Variants in NUDT3 observed in about 807,000 individuals in gnomAD.
NUDT3 encodes the protein diphosphoinositol polyphosphate phosphohydrolase 1.
In NUDT3, 9 loss-of-function variants were observed where a neutral mutation model predicts 23.6. The observed-to-expected ratio is 0.38, with a 90% CI of 0.23 to 0.66. The LOEUF is 0.66. Ranked by LOEUF, NUDT3 falls within the 30% of genes least tolerant of loss-of-function variation. The pLI, the probability that NUDT3 is intolerant of heterozygous loss-of-function variation, is 0.52. For synonymous variants in NUDT3, 86 were observed against 82.6 expected (o/e 1.04, Z -0.22); for missense variants, 172 against 218.5 (o/e 0.79, Z 1.34).
At chr6:34,334,025 G>A (rs765768046) in intron 2 of NUDT3, among the ~76,000 whole-genome samples, 1 of 152,220 alleles carries the variant, frequency 6.6e-6, no homozygotes, top group African/African-American at 2.4e-5. Flanking sequence ...GGAAGAGGGG[G>A]GCTGAGCCAT....
rs930473014 is a variant in NUDT3, at chr6:34,392,648, G to T, written c.-286C>A. ...CCGACGACGACCGCGCCGCCATCTT[G>T]GGCGCGATGCGTCAGCGGCGTAAGG... On this transcript the variant is annotated 5_prime_UTR_variant, in exon 1 of 5. Coordinates refer to ENST00000607016, the MANE Select transcript of NUDT3 (RefSeq NM_006703.4). 2.3e-5 allele frequency: 5 copies of T among 218,340 alleles called. No individual in the cohort carries two copies. The highest frequency in any genetic ancestry group is 4.5e-5 in the Non-Finnish European group (5 of 111,406). 13.5% of individuals were successfully genotyped at this position (218,340 alleles called of 1,614,324 possible). A position where few individuals can be genotyped will look rare whatever the true frequency, so the allele number is the denominator to read the frequency against.
In NUDT3 at chr6:34,287,154, G is replaced by A. The variant is rs1763345263; in HGVS notation, c.*1599C>T. The A allele has an allele frequency of 6.6e-6, 1 of 152,106 alleles. No individual in the cohort carries two copies. The highest frequency in any genetic ancestry group is 1.5e-5 in the Non-Finnish European group (1 of 68,032). 9.4% of individuals were successfully genotyped at this position (152,106 alleles called of 1,614,324 possible). ...AACACTAAATGACACAGGGCTATGAGGTACATACATTTCTTTTAGTAGGAG... is the reference window on the plus strand; with the variant it reads ...AACACTAAATGACACAGGGCTATGAAGTACATACATTTCTTTTAGTAGGAG... On this transcript the variant is annotated 3_prime_UTR_variant, in exon 5 of 5. Coordinates refer to ENST00000607016, the MANE Select transcript of NUDT3 (RefSeq NM_006703.4).
At chr6:34,321,568 A>G (rs1763942973) in intron 2 of NUDT3, among the ~76,000 whole-genome samples, 1 of 152,168 alleles carries the variant, frequency 6.6e-6, no homozygotes, top group African/African-American at 2.4e-5. Flanking sequence ...CATTCATCTG[A>G]TAATCAGTGA....
chr6:34,305,319 C>T (rs189725496), intron 2 of NUDT3, among the ~76,000 whole-genome samples: 54 of 152,202 alleles, frequency 3.5e-4, no homozygotes, highest in African/African-American at 1.3e-3. Context: ...GTAGGATTTT[C>T]TGGAAAATTT....
intron 2 of NUDT3, among the ~76,000 whole-genome samples, chr6:34,318,553 T>G (rs1266544695): frequency 6.6e-6 from 1 of 152,228 alleles, no homozygotes; most frequent in Non-Finnish European, 1.5e-5. Context: ...GGACGCTCTA[T>G]GTTGGGATAT....
At chr6:34,307,964 C>CA (rs1181823633) in intron 2 of NUDT3, among the ~76,000 whole-genome samples, 1 of 150,136 alleles carries the variant, frequency 6.7e-6, no homozygotes, top group African/African-American at 2.5e-5. Context: ...CCTAAAAATA[C>CA]AAAAAAATTA....
Position 34,349,064 on chromosome 6 carries a change from AT to A in NUDT3, c.100-7093del, listed in dbSNP as rs1359834199. Among the ~76,000 whole-genome samples the A allele has an allele frequency of 2.6e-5, 4 of 152,024 alleles. No individual in the cohort carries two copies. The East Asian group carries it at 7.7e-4, about 29-fold the overall frequency. On this transcript the variant is annotated intron_variant, in intron 1 of 4. Transcript: ENST00000607016. ...TTATTAACCACCAAGCCTGGTTAATATTTTTTATTTTTACTTTGTAGAGACG... is the reference window on the plus strand; with the variant it reads ...TTATTAACCACCAAGCCTGGTTAATATTTTTATTTTTACTTTGTAGAGACG...
chr6:34,333,782 G>T (rs190174859), intron 2 of NUDT3, among the ~76,000 whole-genome samples: 1 of 152,328 alleles, frequency 6.6e-6, no homozygotes, highest in African/African-American at 2.4e-5. Flanking sequence ...TGATGCAAAG[G>T]TAAGGTAGAC....
chr6:34,391,673 A>G (rs1404233124), intron 1 of NUDT3, among the ~76,000 whole-genome samples: 3 of 152,148 alleles, frequency 2.0e-5, no homozygotes. Flanking sequence ...TACACCATAA[A>G]GGCTACCCAG....
At chr6:34,371,454 G>T (rs1013583067) in intron 1 of NUDT3, among the ~76,000 whole-genome samples, 2 of 151,766 alleles carry the variant, frequency 1.3e-5, no homozygotes, top group Non-Finnish European at 2.9e-5. Context: ...AACACAGCAA[G>T]ACTCTGTCTC....
At chr6:34,391,622 C>A (rs1581908787) in intron 1 of NUDT3, among the ~76,000 whole-genome samples, 1 of 152,202 alleles carries the variant, frequency 6.6e-6, no homozygotes, top group African/African-American at 2.4e-5. Context: ...ACATTTTCAG[C>A]ACACAAAGAT....
intron 2 of NUDT3, among the ~76,000 whole-genome samples, chr6:34,335,507 T>C (rs544197718): frequency 6.6e-6 from 1 of 152,194 alleles, no homozygotes; most frequent in African/African-American, 2.4e-5. Flanking sequence ...CCAAACATAA[T>C]CTAAGATTTT....
intron 1 of NUDT3, among the ~76,000 whole-genome samples, chr6:34,343,656 G>A (rs1764322263): frequency 1.3e-5 from 2 of 151,956 alleles, no homozygotes; most frequent in African/African-American, 4.8e-5. Flanking sequence ...AAACACAGGG[G>A]TAAAATGTCA....
At chr6:34,358,547 A>G (rs1446251104) in intron 1 of NUDT3, among the ~76,000 whole-genome samples, 2 of 152,160 alleles carry the variant, frequency 1.3e-5, no homozygotes, top group Non-Finnish European at 2.9e-5. Flanking sequence ...GGTTAGTATT[A>G]AAATACTAAT....
At chr6:34,366,467 AG>A (rs1764733116) in intron 1 of NUDT3, among the ~76,000 whole-genome samples, 1 of 82,784 alleles carries the variant, frequency 1.2e-5, no homozygotes, top group Non-Finnish European at 2.2e-5. Flanking sequence ...AGAAAGAGAG[AG>A]AGGGAAGGGA....
intron 1 of NUDT3, among the ~76,000 whole-genome samples, chr6:34,351,440 TA>T (rs59813238): frequency 0.13 from 16,836 of 129,006 alleles, 1,411 homozygotes; most frequent in Non-Finnish European, 0.14. Context: ...ACCATGTCTT[TA>T]AAAAAAAAAA....
intron 1 of NUDT3, among the ~76,000 whole-genome samples, chr6:34,387,187 T>A (rs1489131233): frequency 6.6e-6 from 1 of 152,136 alleles, no homozygotes; most frequent in Non-Finnish European, 1.5e-5. Context: ...TATTACTGGT[T>A]TCTGTATTTA....
At chr6:34,361,299 G>A (rs1764647360) in intron 1 of NUDT3, among the ~76,000 whole-genome samples, 1 of 152,168 alleles carries the variant, frequency 6.6e-6, no homozygotes, top group African/African-American at 2.4e-5. Flanking sequence ...TGTCAACAGG[G>A]AAATGCGAAT....
At chr6:34,380,842 A>ACGGCC (rs1390703701) in intron 1 of NUDT3, among the ~76,000 whole-genome samples, 1 of 152,180 alleles carries the variant, frequency 6.6e-6, no homozygotes, top group Non-Finnish European at 1.5e-5. Flanking sequence ...TCTGACTTAG[A>ACGGCC]CGGCCCAGTG....
Sources: allele counts gnomAD v4.1 joint callset (sites outside exome capture counted in the v4.1 genomes callset), GRCh38; gene constraint gnomAD v4.1.1; transcripts MANE v1.5; gene names NCBI Gene and HGNC (gene_info 2026-07-23, HGNC 2026-07-21).